The following PIP4K2A variants were observed in gnomAD, a reference collection of about 807,000 sequenced individuals.
PIP4K2A encodes phosphatidylinositol-5-phosphate 4-kinase type 2 alpha, also known as phosphatidylinositol 5-phosphate 4-kinase type-2 alpha.
In PIP4K2A, 14 loss-of-function variants were observed where a neutral mutation model predicts 42.9. That is an observed-to-expected ratio of 0.33 (90% CI 0.22 to 0.51). The LOEUF is 0.51. Among genes scored for constraint, PIP4K2A ranks in the 20% least tolerant of loss-of-function variants. PIP4K2A has a pLI of 0.97. For synonymous variants in PIP4K2A, 192 were observed against 192.2 expected (o/e 1.00, Z 0.01); for missense variants, 434 against 519.8 (o/e 0.83, Z 1.61).
At chr10:22,686,345 C>T (rs1839764331) in intron 1 of PIP4K2A, among the ~76,000 whole-genome samples, 1 of 152,172 alleles carries the variant, frequency 6.6e-6, no homozygotes, top group Non-Finnish European at 1.5e-5. Flanking sequence ...ACTTTAAACC[C>T]CTGGATTCCT....
chr10:22,632,998 A>C (rs1838580853), intron 1 of PIP4K2A, among the ~76,000 whole-genome samples: 1 of 152,186 alleles, frequency 6.6e-6, no homozygotes, highest in African/African-American at 2.4e-5. Flanking sequence ...ACTTTTATTT[A>C]AGGCTTAGTA....
At chr10:22,589,422 T>G (rs1293904647) in intron 4 of PIP4K2A, among the ~76,000 whole-genome samples, 1 of 152,208 alleles carries the variant, frequency 6.6e-6, no homozygotes, top group Non-Finnish European at 1.5e-5. Flanking sequence ...GGCAGTAGCA[T>G]AAGCAGTGTA....
chr10:22,654,184 C>T lies in PIP4K2A; in HGVS notation c.145-44467G>A, dbSNP rs369491398. ...CTTAATTTTGAAAAACACATGTTTC[C>T]GTAAATTTTTCAGGAAAATTTAATC... On this transcript the variant is annotated intron_variant, in intron 1 of 9. Transcript: ENST00000376573. 5.1e-4 allele frequency among the ~76,000 whole-genome samples: 78 copies of T among 152,170 alleles called. No homozygotes were observed. In the South Asian group the frequency reaches 0.015, roughly 30 times the overall value.
chr10:22,649,300 T>C (rs941744766), intron 1 of PIP4K2A, among the ~76,000 whole-genome samples: 6 of 152,372 alleles, frequency 3.9e-5, no homozygotes, highest in East Asian at 3.9e-4. Context: ...CCTTTGACTA[T>C]AGATTTTCCA....
intron 3 of PIP4K2A, among the ~76,000 whole-genome samples, chr10:22,598,641 C>T (rs1289267303): frequency 6.6e-6 from 1 of 152,144 alleles, no homozygotes; most frequent in East Asian, 1.9e-4. Context: ...TCAGGGTGAT[C>T]CATCTCAACA....
chr10:22,684,692 C>T (rs1588706031), intron 1 of PIP4K2A, among the ~76,000 whole-genome samples: 1 of 152,322 alleles, frequency 6.6e-6, no homozygotes, highest in Non-Finnish European at 1.5e-5. Context: ...ATGCCACCCA[C>T]TAAAAATCTT....
chr10:22,713,904 G>C lies in PIP4K2A; in HGVS notation c.144+279C>G, dbSNP rs138895702. 4 of 257,908 alleles carry C rather than the reference G, an allele frequency of 1.6e-5. No homozygotes were observed. The East Asian group carries it at 2.8e-4, about 18-fold the overall frequency. 16.0% of individuals were successfully genotyped at this position (257,908 alleles called of 1,614,324 possible). A position where few individuals can be genotyped will look rare whatever the true frequency, so the allele number is the denominator to read the frequency against. On this transcript the variant is annotated intron_variant, in intron 1 of 9. Transcript: ENST00000376573. ...GACCTGCGGGCGGGCGGGCGGACCG[G>C]GGGCGGCACTGGCACCCACCGTGAG...
chr10:22,566,696 C>T (rs1420860251), intron 6 of PIP4K2A, among the ~76,000 whole-genome samples: 7 of 151,556 alleles, frequency 4.6e-5, no homozygotes, highest in Admixed American at 4.6e-4. Context: ...ACTCTCATGC[C>T]CTTGCACCTG....
At chr10:22,698,521 C>T (rs1170254362) in intron 1 of PIP4K2A, among the ~76,000 whole-genome samples, 3 of 152,158 alleles carry the variant, frequency 2.0e-5, no homozygotes, top group Non-Finnish European at 4.4e-5. Flanking sequence ...CTGACAGCAA[C>T]ATTATTTGTG....
intron 6 of PIP4K2A, among the ~76,000 whole-genome samples, chr10:22,551,753 A>G (rs530943736): frequency 2.4e-4 from 36 of 152,314 alleles, no homozygotes; most frequent in Non-Finnish European, 4.0e-4. Flanking sequence ...TCTTTTCTGT[A>G]GGTGTGAACC....
At chr10:22,612,530 C>G (rs1838073425) in intron 1 of PIP4K2A, among the ~76,000 whole-genome samples, 1 of 152,054 alleles carries the variant, frequency 6.6e-6, no homozygotes. Context: ...AACAACAGGC[C>G]CAGGAGCACC....
chr10:22,708,043 G>C (rs867654699), intron 1 of PIP4K2A, among the ~76,000 whole-genome samples: 12 of 152,300 alleles, frequency 7.9e-5, no homozygotes, highest in Middle Eastern at 3.4e-3. Flanking sequence ...GTCTAGGAAA[G>C]AGGGAAACAA....
chr10:22,592,439 A>T (rs1837535100), intron 3 of PIP4K2A, among the ~76,000 whole-genome samples: 1 of 152,146 alleles, frequency 6.6e-6, no homozygotes, highest in African/African-American at 2.4e-5. Context: ...CCCCAGGAGG[A>T]GGAGGCAGGA....
intron 1 of PIP4K2A, among the ~76,000 whole-genome samples, chr10:22,683,949 A>G (rs1008894947): frequency 6.6e-6 from 1 of 151,966 alleles, no homozygotes; most frequent in Non-Finnish European, 1.5e-5. Flanking sequence ...CCTTGCCCGG[A>G]ACGTTCCTGG....
chr10:22,614,476 G>C (rs1012125691), intron 1 of PIP4K2A, among the ~76,000 whole-genome samples: 1 of 152,090 alleles, frequency 6.6e-6, no homozygotes, highest in African/African-American at 2.4e-5. Flanking sequence ...CTTTACATTT[G>C]CATCACATTG....
intron 8 of PIP4K2A, 30 bp from the exon 9 acceptor site, chr10:22,540,104 G>T: frequency 9.8e-7 from 1 of 1,022,130 alleles, no homozygotes; most frequent in Non-Finnish European, 1.5e-6. Flanking sequence ...ATGACTGTGG[G>T]ACATGTGACA....
intron 3 of PIP4K2A, among the ~76,000 whole-genome samples, chr10:22,601,130 C>A (rs1588655396): frequency 1.3e-4 from 4 of 31,888 alleles, no homozygotes; most frequent in South Asian, 2.4e-3. Flanking sequence ...GAGACTGTCT[C>A]AAAAAAAAAA....
intron 1 of PIP4K2A, among the ~76,000 whole-genome samples, chr10:22,613,899 G>A (rs567685768): frequency 5.9e-5 from 9 of 152,196 alleles, no homozygotes; most frequent in African/African-American, 2.2e-4. Flanking sequence ...GAAATGGAAA[G>A]TCAGTACAAA....
intron 4 of PIP4K2A, among the ~76,000 whole-genome samples, chr10:22,583,978 T>C (rs1006855233): frequency 1.6e-4 from 24 of 152,268 alleles, no homozygotes; most frequent in Middle Eastern, 3.2e-3. Flanking sequence ...TGGGCCAGCA[T>C]GGCAGTCTGA....
Sources: allele counts gnomAD v4.1 joint callset (sites outside exome capture counted in the v4.1 genomes callset), GRCh38; gene constraint gnomAD v4.1.1; transcripts MANE v1.5; gene names NCBI Gene and HGNC (gene_info 2026-07-23, HGNC 2026-07-21).